Variants in FANK1 observed in about 807,000 individuals in gnomAD.
FANK1 encodes the protein fibronectin type III and ankyrin repeat domains 1.
A neutral mutation model predicts 45.3 loss-of-function variants in FANK1; 44 were observed. The observed-to-expected ratio is 0.97, with a 90% CI of 0.76 to 1.25. The LOEUF (loss-of-function observed/expected upper bound fraction) is 1.25. Among genes scored for constraint, FANK1 ranks in the 50% most tolerant of loss-of-function variants. The pLI is 0.00. For missense variants in FANK1, 391 were observed against 424.4 expected (o/e 0.92, Z 0.69); for synonymous variants, 149 against 152.5 (o/e 0.98, Z 0.17).
At chr10:125,981,163 C>T (rs540287594) in intron 2 of FANK1, among the ~76,000 whole-genome samples, 268 of 152,294 alleles carry the variant, frequency 1.8e-3, no homozygotes, top group Middle Eastern at 3.4e-3. Flanking sequence ...TGTTATATAG[C>T]AGGCCTTCCA....
At chr10:125,940,399 T>C (rs1012688870) in intron 1 of FANK1, among the ~76,000 whole-genome samples, 7 of 152,190 alleles carry the variant, frequency 4.6e-5, no homozygotes, top group African/African-American at 1.7e-4. Context: ...TGCCTGGATG[T>C]GCACGTAGGC....
At chr10:125,909,519 CT>C (rs76190291) in intron 1 of FANK1, among the ~76,000 whole-genome samples, 2,933 of 135,464 alleles carry the variant, frequency 0.022, 75 homozygotes, top group African/African-American at 0.065. Context: ...TCTTCTTTTT[CT>C]TTTTTTTTTT....
intron 3 of FANK1, among the ~76,000 whole-genome samples, chr10:125,990,999 T>G (rs1045229502): frequency 6.6e-6 from 1 of 152,152 alleles, no homozygotes; most frequent in African/African-American, 2.4e-5. Flanking sequence ...ATGATTCAGT[T>G]ACCTCCCACC....
chr10:125,924,254 G>GTTT (rs796167530), intron 1 of FANK1, among the ~76,000 whole-genome samples: 2 of 143,868 alleles, frequency 1.4e-5, no homozygotes, highest in Non-Finnish European at 1.5e-5. Context: ...CTGATGCTTA[G>GTTT]TTTTTTTTTT....
intron 6 of FANK1, 127 bp from the exon 7 acceptor site, chr10:126,004,757 A>T (rs984526620): frequency 5.8e-6 from 5 of 863,860 alleles, no homozygotes; most frequent in Non-Finnish European, 9.3e-6. Context: ...TACGTTTTAT[A>T]TGAACAGTTC....
chr10:125,961,143 A>G (rs1949901659), intron 1 of FANK1, among the ~76,000 whole-genome samples: 1 of 152,020 alleles, frequency 6.6e-6, no homozygotes, highest in Admixed American at 6.6e-5. Flanking sequence ...GTCTCACTCC[A>G]TCTCCCAGGC....
At chr10:125,962,132 TCAA>T (rs772976336) in intron 1 of FANK1, among the ~76,000 whole-genome samples, 1 of 152,136 alleles carries the variant, frequency 6.6e-6, no homozygotes, top group Non-Finnish European at 1.5e-5. Flanking sequence ...CTCGAACATC[TCAA>T]CAGCAAAAAA....
intron 1 of FANK1, among the ~76,000 whole-genome samples, chr10:125,967,413 A>G (rs2134186201): frequency 6.6e-6 from 1 of 152,268 alleles, no homozygotes; most frequent in East Asian, 1.9e-4. Flanking sequence ...GTATATGTAA[A>G]GAGTTTAGAA....
intron 2 of FANK1, among the ~76,000 whole-genome samples, chr10:125,984,188 A>C (rs1055115148): frequency 2.6e-5 from 4 of 152,046 alleles, no homozygotes; most frequent in African/African-American, 9.7e-5. Flanking sequence ...CACCATGCCC[A>C]CCGTGGGTCG....
At chr10:125,931,457 C>T in intron 1 of FANK1, among the ~76,000 whole-genome samples, 1 of 152,198 alleles carries the variant, frequency 6.6e-6, no homozygotes, top group Non-Finnish European at 1.5e-5. Flanking sequence ...CTGCATTTCC[C>T]TGATCGTTAG....
intron 1 of FANK1, among the ~76,000 whole-genome samples, chr10:125,977,770 G>T (rs1013541571): frequency 1.1e-4 from 17 of 152,190 alleles, no homozygotes; most frequent in African/African-American, 4.1e-4. Context: ...GATGAGCCAT[G>T]CTGGGGAGAG....
intron 1 of FANK1, among the ~76,000 whole-genome samples, chr10:125,962,965 A>C (rs1950011299): frequency 6.6e-6 from 1 of 151,300 alleles, no homozygotes. Context: ...ACCAATGTTG[A>C]TACATTATTA....
intron 1 of FANK1, among the ~76,000 whole-genome samples, chr10:125,972,565 T>C (rs191752317): frequency 7.4e-4 from 113 of 152,310 alleles, no homozygotes; most frequent in African/African-American, 2.3e-3. Context: ...TGAAAATAAC[T>C]AGCTCTTACC....
chr10:125,949,852 C>G (rs1193453050), intron 1 of FANK1, among the ~76,000 whole-genome samples: 1 of 147,678 alleles, frequency 6.8e-6, no homozygotes, highest in African/African-American at 2.5e-5. Flanking sequence ...ATCACACTAC[C>G]TGACTTCAAA....
chr10:125,902,166 A>G (rs1470627853), intron 1 of FANK1, among the ~76,000 whole-genome samples: 2 of 152,206 alleles, frequency 1.3e-5, no homozygotes, highest in Non-Finnish European at 2.9e-5. Flanking sequence ...ATGCTAAATG[A>G]TGAGTTAATG....
chr10:125,955,442 T>C (rs541727706), intron 1 of FANK1, among the ~76,000 whole-genome samples: 2 of 152,178 alleles, frequency 1.3e-5, no homozygotes, highest in Non-Finnish European at 2.9e-5. Context: ...CTTGTTCCTT[T>C]TTATGGCTGC....
intron 1 of FANK1, among the ~76,000 whole-genome samples, chr10:125,917,054 T>C (rs574698250): frequency 1.6e-4 from 24 of 152,364 alleles, no homozygotes; most frequent in African/African-American, 5.8e-4. Flanking sequence ...ATCAAACTGT[T>C]AAAAATTATG....
intron 1 of FANK1, among the ~76,000 whole-genome samples, chr10:125,971,987 A>T (rs1247026484): frequency 6.6e-6 from 1 of 152,178 alleles, no homozygotes; most frequent in African/African-American, 2.4e-5. Context: ...GGTTAAAAGT[A>T]AGGGACTTCT....
chr10:125,906,721 A>G (rs1476564849), intron 1 of FANK1, among the ~76,000 whole-genome samples: 1 of 152,198 alleles, frequency 6.6e-6, no homozygotes, highest in Non-Finnish European at 1.5e-5. Context: ...TATGACTTCT[A>G]TTTCATCTTG....
Sources: gnomAD v4.1 joint callset for allele counts (sites outside exome capture counted in the v4.1 genomes callset) on GRCh38, gnomAD v4.1.1 for gene constraint, MANE v1.5 for transcripts, NCBI Gene and HGNC (gene_info 2026-07-23, HGNC 2026-07-21) for gene names.